The following GRIN2B variants were observed in gnomAD, a reference collection of about 807,000 sequenced individuals.
GRIN2B encodes the protein glutamate ionotropic receptor NMDA type subunit 2B.
In GRIN2B, 5 loss-of-function variants were observed where a neutral mutation model predicts 114.5. The observed-to-expected ratio is 0.04, with a 90% CI of 0.02 to 0.09. The LOEUF is 0.09. Among genes scored for constraint, GRIN2B ranks in the 10% least tolerant of loss-of-function variants. The probability of loss-of-function intolerance (pLI) is 1.00; values close to 1 mark genes in which losing one functional copy is unlikely to be tolerated. For missense variants in GRIN2B, 1,108 were observed against 1,943.5 expected (o/e 0.57, Z 8.08); for synonymous variants, 787 against 745.1 (o/e 1.06, Z -0.92).
chr12:13,551,391 G>C lies in GRIN2B; in HGVS notation c.*11392C>G, dbSNP rs984715036. ...GTACCAGTCCATCAACAGGACCTTA[G>C]AAGGCCACATGGATTCCATAGGGTA... is the stretch of plus-strand genomic sequence containing the variant. On this transcript the variant is annotated 3_prime_UTR_variant, in exon 14 of 14. Coordinates refer to ENST00000609686, the MANE Select transcript of GRIN2B (RefSeq NM_000834.5). The C allele has an allele frequency of 2.0e-5, 3 of 152,154 alleles. No homozygotes were observed. The highest frequency in any genetic ancestry group is 2.0e-4 in the Admixed American group (3 of 15,280). 9.4% of individuals were successfully genotyped at this position (152,154 alleles called of 1,614,324 possible).
chr12:13,687,807 T>C lies in GRIN2B; in HGVS notation c.1011-11948A>G, dbSNP rs1407969780. ...AATCAATTAAAAGTCAACTGTAGTTTAGCTTCATGTACAAAATATGCTGAC... is the reference window on the plus strand; with the variant it reads ...AATCAATTAAAAGTCAACTGTAGTTCAGCTTCATGTACAAAATATGCTGAC... On this transcript the variant is annotated intron_variant, in intron 4 of 13. Transcript: ENST00000609686. Among the ~76,000 whole-genome samples the C allele has an allele frequency of 2.0e-5, 3 of 152,360 alleles. No homozygotes were observed. The East Asian group carries it at 5.8e-4, about 29-fold the overall frequency.
At chr12:13,797,096 C>A (rs565977016) in intron 3 of GRIN2B, among the ~76,000 whole-genome samples, 339 of 152,270 alleles carry the variant, frequency 2.2e-3, no homozygotes, top group African/African-American at 7.6e-3. Flanking sequence ...GACTGGGTAA[C>A]TTACAAGGAA....
intron 2 of GRIN2B, among the ~76,000 whole-genome samples, chr12:13,883,775 A>G (rs780851842): frequency 2.0e-5 from 3 of 152,090 alleles, no homozygotes; most frequent in African/African-American, 4.8e-5. Context: ...CAAAAAAAGA[A>G]GTTTTTGTTT....
intron 3 of GRIN2B, among the ~76,000 whole-genome samples, chr12:13,862,531 T>A (rs146868667): frequency 1.5e-3 from 225 of 152,320 alleles, no homozygotes; most frequent in Non-Finnish European, 2.4e-3. Flanking sequence ...TGTCTTAGAT[T>A]TACTGCATCA....
chr12:13,574,973 A>G (rs1948755469), intron 10 of GRIN2B, among the ~76,000 whole-genome samples: 1 of 152,240 alleles, frequency 6.6e-6, no homozygotes. Context: ...ATGGCCTTTA[A>G]CAAATGGTGT....
upstream of GRIN2B, chr12:13,981,820 G>T (rs1206488979): frequency 1.3e-5 from 2 of 152,766 alleles, no homozygotes; most frequent in African/African-American, 4.8e-5. Context: ...GGGGACGGGG[G>T]GAGGCGCGGG....
intron 3 of GRIN2B, among the ~76,000 whole-genome samples, chr12:13,816,410 C>T (rs78937952): frequency 0.039 from 5,938 of 152,238 alleles, 315 homozygotes; most frequent in African/African-American, 0.11. Context: ...GTGTTTTGAA[C>T]TCCTTTTTTT....
chr12:13,634,035 T>A (rs1304773705), intron 5 of GRIN2B: 1 of 152,146 alleles, frequency 6.6e-6, no homozygotes, highest in Non-Finnish European at 1.5e-5. Context: ...TATACATACA[T>A]AAAAGATCCT....
intron 2 of GRIN2B, among the ~76,000 whole-genome samples, chr12:13,869,754 G>A (rs1865878252): frequency 6.6e-6 from 1 of 152,134 alleles, no homozygotes; most frequent in Non-Finnish European, 1.5e-5. Context: ...GTGAATGAAT[G>A]AATGAATGAA....
intron 5 of GRIN2B, among the ~76,000 whole-genome samples, chr12:13,673,324 T>C (rs1950040598): frequency 6.6e-6 from 1 of 152,074 alleles, no homozygotes; most frequent in African/African-American, 2.4e-5. Context: ...GGTAGCTTAA[T>C]TGTGAGACAG....
chr12:13,569,303 C>T lies in GRIN2B; in HGVS notation c.2359+527G>A, dbSNP rs145131034. Among the ~76,000 whole-genome samples, 887 of 152,250 alleles carry T rather than the reference C, an allele frequency of 5.8e-3. 3 individuals are homozygous for T. The highest frequency in any genetic ancestry group is 0.01 in the Middle Eastern group (3 of 294). On this transcript the variant is annotated intron_variant, in intron 12 of 13. Transcript: ENST00000609686. ...ATGTGACTTTATTTGGAAATAGAGT[C>T]ATTGCAAACATAATTAAGCTGAGAT...
chr12:13,933,372 T>C (rs1035030508), intron 2 of GRIN2B, among the ~76,000 whole-genome samples: 5 of 152,216 alleles, frequency 3.3e-5, no homozygotes, highest in African/African-American at 1.2e-4. Flanking sequence ...ATATCTCCGT[T>C]TTGGTCACTA....
chr12:13,765,270 G>A (rs1863760509), intron 3 of GRIN2B, among the ~76,000 whole-genome samples: 1 of 152,210 alleles, frequency 6.6e-6, no homozygotes, highest in Admixed American at 6.5e-5. Flanking sequence ...CCAGCTCATA[G>A]TAGGACCACA....
chr12:13,901,694 T>C (rs143705862), intron 2 of GRIN2B, among the ~76,000 whole-genome samples: 3 of 152,144 alleles, frequency 2.0e-5, no homozygotes, highest in Non-Finnish European at 4.4e-5. Context: ...TTTTTCATTA[T>C]CTTTTTGGTA....
In GRIN2B at chr12:13,611,855, G is replaced by T. The variant is rs148132876; in HGVS notation, c.1655-5C>A. 1.9e-6 allele frequency: 3 copies of T among 1,613,322 alleles called. No homozygotes were observed. In the South Asian group the frequency reaches 3.3e-5, roughly 18 times the overall value. ...ATACGTCAGCGCTGAATGGCTCTGA[G>T]GAAGGGAAAAAAGCAGTGCTCAGGG... On this transcript the variant is annotated splice_polypyrimidine_tract_variant and splice_region_variant and intron_variant, in intron 8 of 13. Coordinates refer to ENST00000609686, the MANE Select transcript of GRIN2B (RefSeq NM_000834.5).
chr12:13,607,411 TATATA>T (rs1308985350), intron 10 of GRIN2B, among the ~76,000 whole-genome samples: 1 of 79,278 alleles, frequency 1.3e-5, no homozygotes, highest in East Asian at 3.2e-4. Flanking sequence ...ATATATAAAA[TATATA>T]ATATATATTA....
chr12:13,797,550 C>T (rs1864438204), intron 3 of GRIN2B, among the ~76,000 whole-genome samples: 2 of 152,234 alleles, frequency 1.3e-5, no homozygotes, highest in South Asian at 4.1e-4. Flanking sequence ...TGGGTAGGAC[C>T]TGCTTTGCCA....
intron 3 of GRIN2B, among the ~76,000 whole-genome samples, chr12:13,792,088 A>G (rs758343226): frequency 2.0e-5 from 3 of 152,212 alleles, no homozygotes; most frequent in Non-Finnish European, 4.4e-5. Flanking sequence ...TGTTTCACTT[A>G]ACATAAGCCT....
At chr12:13,824,679 C>T (rs1864997238) in intron 3 of GRIN2B, among the ~76,000 whole-genome samples, 1 of 151,828 alleles carries the variant, frequency 6.6e-6, no homozygotes, top group Non-Finnish European at 1.5e-5. Flanking sequence ...ATGGTGAAAC[C>T]CCGTCTCTAC....
Sources: allele counts gnomAD v4.1 joint callset (sites outside exome capture counted in the v4.1 genomes callset), GRCh38; gene constraint gnomAD v4.1.1; transcripts MANE v1.5; gene names NCBI Gene and HGNC (gene_info 2026-07-23, HGNC 2026-07-21).